The following GUCY1A2 variants were observed in gnomAD, a reference collection of about 807,000 sequenced individuals.
The protein encoded by GUCY1A2 is guanylate cyclase soluble subunit alpha-2.
In GUCY1A2, 27 loss-of-function variants were observed where a neutral mutation model predicts 63.5. The observed-to-expected ratio is 0.43, with a 90% CI of 0.31 to 0.59. The LOEUF is 0.59. Ranked by LOEUF, GUCY1A2 falls within the 20% of genes least tolerant of loss-of-function variation. The probability of loss-of-function intolerance (pLI) is 0.11; values close to 1 mark genes in which losing one functional copy is unlikely to be tolerated. For synonymous variants in GUCY1A2, 364 were observed against 343.5 expected (o/e 1.06, Z -0.66); for missense variants, 768 against 913.3 (o/e 0.84, Z 2.05).
intron 6 of GUCY1A2, among the ~76,000 whole-genome samples, chr11:106,756,117 CTT>C (rs1030624347): frequency 5.3e-5 from 8 of 152,112 alleles, no homozygotes; most frequent in African/African-American, 1.9e-4. Flanking sequence ...TTCTTTGTCT[CTT>C]TTGATCTTTG....
chr11:106,973,703 C>T (rs192926691), intron 3 of GUCY1A2, among the ~76,000 whole-genome samples: 1 of 152,166 alleles, frequency 6.6e-6, no homozygotes, highest in East Asian at 1.9e-4. Context: ...TAAATTCTGC[C>T]TCTGTGGCTT....
At chr11:106,823,069 A>C (rs1032137763) in intron 4 of GUCY1A2, among the ~76,000 whole-genome samples, 2 of 152,178 alleles carry the variant, frequency 1.3e-5, no homozygotes, top group African/African-American at 2.4e-5. Context: ...GTTTCCTAAA[A>C]ATAAAAACAA....
Position 106,778,048 on chromosome 11 carries a change from G to A in GUCY1A2, c.1693-1466C>T, listed in dbSNP as rs1864390749. Among the ~76,000 whole-genome samples the A allele has an allele frequency of 1.3e-5, 2 of 152,050 alleles. 1 individual carries two copies. The highest frequency in any genetic ancestry group is 2.9e-5 in the Non-Finnish European group (2 of 68,014). On this transcript the variant is annotated intron_variant, in intron 5 of 7. Transcript: ENST00000526355. ...AGGTTAAAACTCCCAAATTTCCAAA[G>A]CATAGAACATGGAATAAAAGTTCTA... is the stretch of plus-strand genomic sequence containing the variant.
At chr11:107,014,610 A>C (rs1861794701) in intron 1 of GUCY1A2, among the ~76,000 whole-genome samples, 1 of 152,218 alleles carries the variant, frequency 6.6e-6, no homozygotes, top group African/African-American at 2.4e-5. Context: ...ACATCGGTGC[A>C]TCTTAAAGTG....
chr11:107,001,189 A>T (rs952912270), intron 1 of GUCY1A2, among the ~76,000 whole-genome samples: 2 of 152,186 alleles, frequency 1.3e-5, no homozygotes, highest in Non-Finnish European at 2.9e-5. Flanking sequence ...CAGAATCACA[A>T]GAAAATAGGT....
At chr11:106,969,354 A>G (rs1055258368) in intron 3 of GUCY1A2, among the ~76,000 whole-genome samples, 25 of 152,238 alleles carry the variant, frequency 1.6e-4, no homozygotes, top group Non-Finnish European at 2.8e-4. Context: ...TGTCAGAAGA[A>G]TTAAACAGAA....
intron 5 of GUCY1A2, among the ~76,000 whole-genome samples, chr11:106,802,580 C>G (rs1039430214): frequency 6.6e-6 from 1 of 152,072 alleles, no homozygotes; most frequent in Admixed American, 6.6e-5. Context: ...GCTCAGGCTG[C>G]TATACCAAAA....
At chr11:106,699,061 T>C (rs1308647211) in intron 7 of GUCY1A2, among the ~76,000 whole-genome samples, 1 of 152,238 alleles carries the variant, frequency 6.6e-6, no homozygotes, top group Non-Finnish European at 1.5e-5. Context: ...GTAATACTTT[T>C]ATCTATGTTC....
Position 106,841,644 on chromosome 11 carries a change from G to T in GUCY1A2, c.1207-31166C>A, listed in dbSNP as rs568197161. Among the ~76,000 whole-genome samples, 5 of 151,954 alleles carry T rather than the reference G, an allele frequency of 3.3e-5. No individual in the cohort carries two copies. The South Asian group carries it at 8.3e-4, about 25-fold the overall frequency. ...TGTCCTTAGCAGTGCCTACAAAAGG[G>T]TATGTGCTAGATAAATACAGATTAA... is the stretch of plus-strand genomic sequence containing the variant. On this transcript the variant is annotated intron_variant, in intron 4 of 7. Coordinates refer to ENST00000526355, the MANE Select transcript of GUCY1A2 (RefSeq NM_000855.3).
intron 4 of GUCY1A2, among the ~76,000 whole-genome samples, chr11:106,901,192 G>A (rs1860128308): frequency 6.6e-6 from 1 of 152,142 alleles, no homozygotes; most frequent in African/African-American, 2.4e-5. Flanking sequence ...TCCATCTCAA[G>A]AAACCACTTT....
intron 5 of GUCY1A2, among the ~76,000 whole-genome samples, chr11:106,792,188 C>A (rs1180947287): frequency 6.6e-6 from 1 of 152,116 alleles, no homozygotes; most frequent in Non-Finnish European, 1.5e-5. Context: ...GAGTTCGAGA[C>A]CAGCTTGGCC....
chr11:106,891,159 T>C (rs1859968105), intron 4 of GUCY1A2, among the ~76,000 whole-genome samples: 1 of 152,190 alleles, frequency 6.6e-6, no homozygotes, highest in African/African-American at 2.4e-5. Context: ...GTCTTTCCAA[T>C]GTGAGCCATT....
chr11:106,829,206 G>A (rs1053036322), intron 4 of GUCY1A2, among the ~76,000 whole-genome samples: 5 of 152,208 alleles, frequency 3.3e-5, no homozygotes, highest in African/African-American at 1.2e-4. Flanking sequence ...TCGTCCTGCA[G>A]TGGTGTGGAA....
At position 106,708,500 on chromosome 11, in the gene GUCY1A2, G is replaced by A; in HGVS notation, c.1991+12C>T. ...GGCCAAGACAGGAAGGAGGAGGCCA[G>A]AGAACACTTACTGGTAAGTGGTTGG... On this transcript the variant is annotated intron_variant, in intron 7 of 7. Coordinates refer to ENST00000526355, the MANE Select transcript of GUCY1A2 (RefSeq NM_000855.3). 1 of 1,606,324 alleles carries A rather than the reference G, an allele frequency of 6.2e-7. No individual in the cohort carries two copies.
At chr11:106,880,577 T>C (rs1859810281) in intron 4 of GUCY1A2, among the ~76,000 whole-genome samples, 1 of 152,100 alleles carries the variant, frequency 6.6e-6, no homozygotes, top group Non-Finnish European at 1.5e-5. Context: ...TCAAGTTGCA[T>C]GCTAACAATA....
At chr11:106,777,046 TCTTAAA>T (rs1338680924) in intron 5 of GUCY1A2, among the ~76,000 whole-genome samples, 4 of 152,226 alleles carry the variant, frequency 2.6e-5, no homozygotes, top group Non-Finnish European at 5.9e-5. Context: ...TCTTTCTTAC[TCTTAAA>T]AATTGTAACG....
intron 4 of GUCY1A2, among the ~76,000 whole-genome samples, chr11:106,900,225 C>G (rs1051343818): frequency 9.9e-5 from 15 of 151,986 alleles, no homozygotes; most frequent in African/African-American, 3.6e-4. Context: ...TCTCTATCAC[C>G]CAGGCTGGAG....
Position 106,891,090 on chromosome 11 carries a change from A to T in GUCY1A2, c.1206+48370T>A, listed in dbSNP as rs1171231171. On this transcript the variant is annotated intron_variant, in intron 4 of 7. Coordinates refer to ENST00000526355, the MANE Select transcript of GUCY1A2 (RefSeq NM_000855.3). ...AAATGGTTATACCAGTTACATTTCCACCAGCAAAGTAAGAGAGTTCAATTT... is the reference window on the plus strand; with the variant it reads ...AAATGGTTATACCAGTTACATTTCCTCCAGCAAAGTAAGAGAGTTCAATTT... 2.6e-5 allele frequency among the ~76,000 whole-genome samples: 4 copies of T among 152,206 alleles called. No homozygotes were observed. In the East Asian group the frequency reaches 7.7e-4, roughly 29 times the overall value.
At chr11:106,921,517 A>C (rs1591328352) in intron 4 of GUCY1A2, among the ~76,000 whole-genome samples, 1 of 152,238 alleles carries the variant, frequency 6.6e-6, no homozygotes, top group East Asian at 1.9e-4. Context: ...CTCTTCCTTG[A>C]CCCATTATGA....
Sources: allele counts gnomAD v4.1 joint callset (sites outside exome capture counted in the v4.1 genomes callset), GRCh38; gene constraint gnomAD v4.1.1; transcripts MANE v1.5; gene names NCBI Gene and HGNC (gene_info 2026-07-23, HGNC 2026-07-21).